Variants in UNC80 observed in about 807,000 individuals in gnomAD.
UNC80 encodes unc-80 subunit of NALCN channel complex, also known as protein unc-80 homolog.
A neutral mutation model predicts 384.6 loss-of-function variants in UNC80; 164 were observed. The observed-to-expected ratio is 0.43, with a 90% CI of 0.38 to 0.49. The LOEUF is 0.49. Among genes scored for constraint, UNC80 ranks in the 20% least tolerant of loss-of-function variants. The pLI, the probability that UNC80 is intolerant of heterozygous loss-of-function variation, is 0.00. For synonymous variants in UNC80, 1,486 were observed against 1,527.8 expected (o/e 0.97, Z 0.64); for missense variants, 3,330 against 4,143.0 (o/e 0.80, Z 5.39).
chr2:209,882,086 C>T (rs35817243), intron 25 of UNC80, among the ~76,000 whole-genome samples: 14,244 of 151,576 alleles, frequency 0.094, 825 homozygotes, highest in South Asian at 0.26. Flanking sequence ...CCTGCCACAG[C>T]CTCCCGAGTA....
At chr2:209,844,484 C>G in intron 21 of UNC80, among the ~76,000 whole-genome samples, 1 of 63,010 alleles carries the variant, frequency 1.6e-5, no homozygotes. Flanking sequence ...TCTTTCCTTC[C>G]TTCCTTCCTT....
intron 47 of UNC80, 48 bp downstream of exon 47, chr2:209,945,991 G>T (rs2091897756): frequency 7.8e-7 from 1 of 1,279,378 alleles, no homozygotes; most frequent in Non-Finnish European, 1.1e-6. Flanking sequence ...AAATATGGCA[G>T]AGAAAATAAA....
chr2:209,802,327 T>C (rs1396552961), intron 7 of UNC80, among the ~76,000 whole-genome samples: 1 of 152,156 alleles, frequency 6.6e-6, no homozygotes, highest in Non-Finnish European at 1.5e-5. Flanking sequence ...ACAAAAAAAG[T>C]ATGTGAGATG....
intron 22 of UNC80, among the ~76,000 whole-genome samples, chr2:209,851,974 A>T (rs764686490): frequency 5.9e-5 from 9 of 152,138 alleles, no homozygotes; most frequent in Non-Finnish European, 1.2e-4. Context: ...AGTGAAGGTG[A>T]CAGAGGCTGG....
At chr2:209,825,691 G>T (rs1214243458) in intron 13 of UNC80, among the ~76,000 whole-genome samples, 9 of 152,116 alleles carry the variant, frequency 5.9e-5, no homozygotes. Context: ...GCAACAGAGG[G>T]TGTTCAAAAT....
In UNC80 at chr2:209,847,030, A is replaced by G. The variant is rs370574271; in HGVS notation, c.3455-2421A>G. On this transcript the variant is annotated intron_variant, in intron 21 of 64. Transcript: ENST00000673920. Reference sequence around the variant, plus strand: ...ACCTTCTTCCATATAAACATTTGGTATTTTAGAGATTACATTGTGGCATTG... The same window carrying G: ...ACCTTCTTCCATATAAACATTTGGTGTTTTAGAGATTACATTGTGGCATTG... Among the ~76,000 whole-genome samples the G allele has an allele frequency of 6.6e-5, 10 of 152,234 alleles. No individual in the cohort carries two copies. The East Asian group carries it at 1.9e-3, about 29-fold the overall frequency.
At chr2:209,936,721 AT>A in intron 40 of UNC80, 122 bp from the exon 41 acceptor site, 1 of 660,426 alleles carries the variant, frequency 1.5e-6, no homozygotes, top group Non-Finnish European at 2.7e-6. Context: ...AGACATCAAT[AT>A]ATACAGATAA....
rs201113247 is a variant in UNC80 at position 209,941,196 on chromosome 2, T to A, written c.6647-25T>A. 1.1e-5 allele frequency: 17 copies of A among 1,483,048 alleles called. No individual in the cohort carries two copies. The South Asian group carries it at 2.3e-4, about 20-fold the overall frequency. The allele number at this position is 1,483,048 out of a possible 1,614,324, so 91.9% of individuals were successfully genotyped here. A position where few individuals can be genotyped will look rare whatever the true frequency, so the allele number is the denominator to read the frequency against. Reference sequence around the variant, plus strand: ...CAGGATTGGTGTGGGGCTAATTCTGTCTCTGCTGTTTCATGTTCTCACAGC... The same window carrying A: ...CAGGATTGGTGTGGGGCTAATTCTGACTCTGCTGTTTCATGTTCTCACAGC... On this transcript the variant is annotated intron_variant, in intron 43 of 64. Coordinates refer to ENST00000673920, the MANE Select transcript of UNC80 (RefSeq NM_001371986.1).
intron 4 of UNC80, among the ~76,000 whole-genome samples, chr2:209,785,519 G>T (rs1215725042): frequency 6.6e-6 from 1 of 152,008 alleles, no homozygotes; most frequent in Non-Finnish European, 1.5e-5. Flanking sequence ...ATTTATCCTT[G>T]CCCTCAAGAA....
intron 23 of UNC80, among the ~76,000 whole-genome samples, chr2:209,875,164 A>G (rs1230122357): frequency 1.3e-5 from 2 of 152,154 alleles, no homozygotes; most frequent in Admixed American, 6.6e-5. Flanking sequence ...CTCATCTCCC[A>G]GCCTCCAGAC....
At chr2:209,977,137 A>C in intron 58 of UNC80, 59 bp downstream of exon 58, 2 of 1,423,232 alleles carry the variant, frequency 1.4e-6, no homozygotes, top group Non-Finnish European at 9.4e-7. Context: ...CAGCCTACAA[A>C]GAATCCCTCT....
chr2:209,967,611 C>T lies in UNC80; in HGVS notation c.7980C>T (p.Asn2660=). Residue 2660 remains asparagine (N), a synonymous_variant, in exon 52 of 65, where the codon AAC becomes AAT. Coordinates refer to ENST00000673920, the MANE Select transcript of UNC80 (RefSeq NM_001371986.1). The stretch of plus-strand genomic sequence containing the variant: ...TAAAAAGATTGGATAGAATGTTCAA[C>T]AAAATTCATAAGATGCCTACTTTGA... The part of the protein sequence containing the change: ...LILKRLDRMF[N]KIHKMPTLRR... 1.3e-6 allele frequency: 2 copies of T among 1,551,444 alleles called. No individual in the cohort carries two copies. Among genetic ancestry groups the T allele is most frequent in the East Asian group, 2.4e-5 (1 of 40,894 alleles).
intron 48 of UNC80, among the ~76,000 whole-genome samples, chr2:209,954,657 T>C (rs1319545120): frequency 1.3e-5 from 2 of 152,224 alleles, no homozygotes; most frequent in African/African-American, 2.4e-5. Flanking sequence ...TTATGAGACA[T>C]GGAATGCCTA....
intron 29 of UNC80, among the ~76,000 whole-genome samples, chr2:209,909,738 G>A (rs955255327): frequency 6.6e-6 from 1 of 152,120 alleles, no homozygotes; most frequent in Non-Finnish European, 1.5e-5. Context: ...GCCGAGAGGA[G>A]TCACAGAGTC....
rs191463764 is a variant in UNC80, at chr2:209,925,131, T to G, written c.5663-1712T>G. Among the ~76,000 whole-genome samples, 7 of 152,108 alleles carry G rather than the reference T, an allele frequency of 4.6e-5. No homozygotes were observed. The East Asian group carries it at 1.2e-3, about 25-fold the overall frequency. ...GTTTTTTTAATACATGCTCCTCAAATAGTTCCAAGCTTTTGGTAAATTTTG... is the reference window on the plus strand; with the variant it reads ...GTTTTTTTAATACATGCTCCTCAAAGAGTTCCAAGCTTTTGGTAAATTTTG... On this transcript the variant is annotated intron_variant, in intron 35 of 64. Coordinates refer to ENST00000673920, the MANE Select transcript of UNC80 (RefSeq NM_001371986.1).
rs116428671 is a variant in UNC80, at chr2:209,772,023, G to C, written c.-50G>C. On this transcript the variant is annotated 5_prime_UTR_variant, in exon 1 of 65. Transcript: ENST00000673920. Reference sequence around the variant, plus strand: ...CGGGAGGAGGCGGCGGCGGCGGCTAGCGAGGAGACAGAGCTGGGTCCTGCA... The same window carrying C: ...CGGGAGGAGGCGGCGGCGGCGGCTACCGAGGAGACAGAGCTGGGTCCTGCA... The C allele has an allele frequency of 0.092, 127,431 of 1,388,860 alleles. 9,148 individuals are homozygous for C. The highest frequency in any genetic ancestry group is 0.31 in the African/African-American group (21,549 of 69,372). The allele number at this position is 1,388,860 out of a possible 1,614,324, so 86.0% of individuals were successfully genotyped here.
At chr2:209,826,955 A>G (rs954650432) in intron 14 of UNC80, among the ~76,000 whole-genome samples, 7 of 152,224 alleles carry the variant, frequency 4.6e-5, no homozygotes, top group African/African-American at 1.7e-4. Flanking sequence ...CAGTATTAGC[A>G]TGCTGGGTTT....
intron 61 of UNC80, among the ~76,000 whole-genome samples, chr2:209,990,184 G>A (rs2093366445): frequency 6.6e-6 from 1 of 152,112 alleles, no homozygotes; most frequent in Non-Finnish European, 1.5e-5. Context: ...CACTCCCTGA[G>A]TAACATGCAT....
intron 20 of UNC80, among the ~76,000 whole-genome samples, chr2:209,841,679 T>C (rs1177928499): frequency 6.6e-6 from 1 of 152,144 alleles, no homozygotes; most frequent in Non-Finnish European, 1.5e-5. Flanking sequence ...TAGTCTGTTT[T>C]AAAAGTGATA....
Sources: allele counts gnomAD v4.1 joint callset (sites outside exome capture counted in the v4.1 genomes callset), GRCh38; gene constraint gnomAD v4.1.1; transcripts MANE v1.5; gene names NCBI Gene and HGNC (gene_info 2026-07-23, HGNC 2026-07-21).